The following TMPRSS11F variants were observed in gnomAD, a reference collection of about 807,000 sequenced individuals.
TMPRSS11F encodes the protein transmembrane serine protease 11F, also known as transmembrane protease serine 11F.
TMPRSS11F carries 47 observed loss-of-function variants against 60.2 expected under a neutral mutation model. The ratio of observed to expected loss-of-function variants is 0.78; its 90% confidence interval spans 0.62 to 1.00. The LOEUF (loss-of-function observed/expected upper bound fraction) is 1.00. Among genes scored for constraint, TMPRSS11F ranks in the 50% least tolerant of loss-of-function variants. The pLI, the probability that TMPRSS11F is intolerant of heterozygous loss-of-function variation, is 0.00. For missense variants in TMPRSS11F, 519 were observed against 522.9 expected (o/e 0.99, Z 0.07); for synonymous variants, 166 against 167.3 (o/e 0.99, Z 0.06).
At chr4:68,064,637 G>A in intron 8 of TMPRSS11F, 48 bp downstream of exon 8, 1 of 1,585,756 alleles carries the variant, frequency 6.3e-7, no homozygotes, top group South Asian at 1.1e-5. Context: ...TAGCTCGTTT[G>A]ATCTCAAGAC....
chr4:68,063,367 T>TG (rs376278042), intron 8 of TMPRSS11F: 1 of 410,402 alleles, frequency 2.4e-6, no homozygotes, highest in African/African-American at 2.1e-5. Flanking sequence ...TCTTTTTTTT[T>TG]GTTTTCTGTT....
At position 68,075,499 on chromosome 4, in the gene TMPRSS11F, G is replaced by C. The variant is rs558913104; in HGVS notation, c.283-1490C>G. ...ACCTTCAAAGTCTCTCTCTCTGTCT[G>C]TCTCTCTCTCTCTCTTTCATTTTAA... On this transcript the variant is annotated intron_variant, in intron 3 of 9. Transcript: ENST00000356291. Among the ~76,000 whole-genome samples, 92 of 148,892 alleles carry C rather than the reference G, an allele frequency of 6.2e-4. No homozygotes were observed. In the Middle Eastern group the frequency reaches 0.011, roughly 17 times the overall value.
At chr4:68,063,321 T>C in intron 8 of TMPRSS11F, 1 of 501,120 alleles carries the variant, frequency 2.0e-6, no homozygotes, top group Non-Finnish European at 3.9e-6. Context: ...AAGTATTTCT[T>C]ATTTCTCATT....
Position 68,059,320 on chromosome 4 carries a change from A to C in TMPRSS11F, c.1158+6T>G. On this transcript the variant is annotated splice_donor_region_variant and intron_variant, in intron 9 of 9. Transcript: ENST00000356291. ...CATAAACTTTTGGCCTTGACTTTAA[A>C]CTTACCTTACATGCATCTATTTTTC... 1.9e-6 allele frequency: 3 copies of C among 1,612,928 alleles called. No homozygotes were observed. Among genetic ancestry groups the C allele is most frequent in the Non-Finnish European group, 2.5e-6 (3 of 1,179,654 alleles).
chr4:68,085,772 G>A (rs765005650), intron 3 of TMPRSS11F, among the ~76,000 whole-genome samples: 7 of 151,950 alleles, frequency 4.6e-5, no homozygotes. Context: ...GAACGGTAAA[G>A]AAGGAAAAAC....
chr4:68,062,840 T>C lies in TMPRSS11F; in HGVS notation c.1015+1845A>G, dbSNP rs774227822. 1.2e-5 allele frequency: 9 copies of C among 772,690 alleles called. 1 individual carries two copies. The highest frequency in any genetic ancestry group is 4.7e-4 in the Middle Eastern group (2 of 4,256). The allele number at this position is 772,690 out of a possible 1,614,324, so 47.9% of individuals were successfully genotyped here. On this transcript the variant is annotated intron_variant, in intron 8 of 9. Transcript: ENST00000356291. ...ATCCGTGGATTTCCGTAGAGTTAAC[T>C]TAACATATGTATTGGGTGGTCTGTT...
In TMPRSS11F at chr4:68,094,757, A is replaced by G. The variant is rs1477191883; in HGVS notation, c.164-4116T>C. 3.9e-5 allele frequency among the ~76,000 whole-genome samples: 6 copies of G among 152,054 alleles called. No homozygotes were observed. In the South Asian group the frequency reaches 1.2e-3, roughly 32 times the overall value. Reference sequence around the variant, plus strand: ...TACTCTTTAGGTTTTCAAGAAACCAAACTTCAAAAACAGCTTTAGATAATT... The same window carrying G: ...TACTCTTTAGGTTTTCAAGAAACCAGACTTCAAAAACAGCTTTAGATAATT... On this transcript the variant is annotated intron_variant, in intron 2 of 9. Transcript: ENST00000356291.
rs372137687 is a variant in TMPRSS11F, at chr4:68,129,832, T to C, written c.-12A>G. On this transcript the variant is annotated 5_prime_UTR_variant, in exon 1 of 10. Coordinates refer to ENST00000356291, the MANE Select transcript of TMPRSS11F (RefSeq NM_207407.2). Reference sequence around the variant, plus strand: ...TACGCGTACATCATGAACCCAGGACTGGGGCAGCTTCTATTCAGTCACCAT... The same window carrying C: ...TACGCGTACATCATGAACCCAGGACCGGGGCAGCTTCTATTCAGTCACCAT... The C allele has an allele frequency of 2.5e-6, 4 of 1,613,360 alleles. No homozygotes were observed. The highest frequency in any genetic ancestry group is 3.4e-6 in the Non-Finnish European group (4 of 1,179,426).
At chr4:68,086,800 A>G (rs1211786943) in intron 3 of TMPRSS11F, among the ~76,000 whole-genome samples, 1 of 152,160 alleles carries the variant, frequency 6.6e-6, no homozygotes, top group African/African-American at 2.4e-5. Flanking sequence ...TTGGTAACAT[A>G]TAACCTCCAT....
intron 1 of TMPRSS11F, among the ~76,000 whole-genome samples, chr4:68,105,731 C>A (rs1290123470): frequency 1.3e-5 from 2 of 152,046 alleles, no homozygotes; most frequent in Non-Finnish European, 2.9e-5. Context: ...TGTATAATTA[C>A]TGTTAAAGTT....
chr4:68,129,295 CAT>C (rs796175768), intron 1 of TMPRSS11F, among the ~76,000 whole-genome samples: 1 of 152,128 alleles, frequency 6.6e-6, no homozygotes, highest in African/African-American at 2.4e-5. Context: ...TAATTTTTTA[CAT>C]ATGAGTATTT....
intron 2 of TMPRSS11F, among the ~76,000 whole-genome samples, chr4:68,096,120 T>TA (rs573458614): frequency 2.5e-4 from 37 of 145,410 alleles, no homozygotes; most frequent in South Asian, 1.6e-3. Context: ...GTCAATAATT[T>TA]AAAAAAAAAA....
At chr4:68,090,437 T>C (rs1723901478) in intron 3 of TMPRSS11F, 86 bp downstream of exon 3, 3 of 1,461,058 alleles carry the variant, frequency 2.1e-6, no homozygotes, top group Non-Finnish European at 9.1e-7. Flanking sequence ...AAAGAAGAAA[T>C]TGAGACTAAG....
intron 2 of TMPRSS11F, among the ~76,000 whole-genome samples, chr4:68,093,420 C>A (rs58935002): frequency 1.3e-5 from 2 of 151,926 alleles, no homozygotes; most frequent in East Asian, 3.9e-4. Context: ...AAGACTTAAA[C>A]ATTAGACCTA....
At chr4:68,119,154 C>A (rs1164719298) in intron 1 of TMPRSS11F, among the ~76,000 whole-genome samples, 3 of 152,026 alleles carry the variant, frequency 2.0e-5, no homozygotes, top group African/African-American at 7.2e-5. Context: ...TGTGTTAAGG[C>A]CATAGCCTAA....
chr4:68,070,067 G>T (rs566197245), intron 5 of TMPRSS11F, 60 bp from the exon 6 acceptor site: 20 of 1,393,770 alleles, frequency 1.4e-5, no homozygotes, highest in Non-Finnish European at 2.0e-5. Flanking sequence ...TTCATGTTGT[G>T]TTGTTCAACT....
At chr4:68,058,323 T>G (rs1012493606) in intron 9 of TMPRSS11F, among the ~76,000 whole-genome samples, 1 of 152,228 alleles carries the variant, frequency 6.6e-6, no homozygotes, top group Non-Finnish European at 1.5e-5. Context: ...AATGTCACAT[T>G]GTACTCCATA....
At chr4:68,071,725 G>A (rs1411737158) in intron 5 of TMPRSS11F, among the ~76,000 whole-genome samples, 1 of 152,088 alleles carries the variant, frequency 6.6e-6, no homozygotes, top group Non-Finnish European at 1.5e-5. Flanking sequence ...GCTTTGGAAG[G>A]AAAACAAAAC....
chr4:68,120,598 C>T (rs969511554), intron 1 of TMPRSS11F, among the ~76,000 whole-genome samples: 2 of 151,736 alleles, frequency 1.3e-5, no homozygotes, highest in Non-Finnish European at 2.9e-5. Flanking sequence ...CCGTTTTAGC[C>T]GGGATGGTCT....
Sources: allele counts gnomAD v4.1 joint callset (sites outside exome capture counted in the v4.1 genomes callset), GRCh38; gene constraint gnomAD v4.1.1; transcripts MANE v1.5; gene names NCBI Gene and HGNC (gene_info 2026-07-23, HGNC 2026-07-21).